Variants in SEMA6A observed in about 807,000 individuals in gnomAD.
The protein encoded by SEMA6A is semaphorin 6A.
A neutral mutation model predicts 96.8 loss-of-function variants in SEMA6A; 25 were observed. The observed-to-expected ratio is 0.26, with a 90% confidence interval of 0.19 to 0.36. SEMA6A has a LOEUF of 0.36. SEMA6A is among the 10% of genes least tolerant of loss of function. The probability of loss-of-function intolerance (pLI) is 1.00; values close to 1 mark genes in which losing one functional copy is unlikely to be tolerated. For missense variants in SEMA6A, 1,363 were observed against 1,323.1 expected, an observed-to-expected ratio of 1.03 and a Z score of -0.47; for synonymous variants, 612 against 518.0, an observed-to-expected ratio of 1.18 and a Z score of -2.46.
chr5:116,525,618 A>T (rs963699055), intron 1 of SEMA6A, among the ~76,000 whole-genome samples: 1 of 152,190 alleles, frequency 6.6e-6, no homozygotes, highest in Non-Finnish European at 1.5e-5. Flanking sequence ...GGAGCTGCCT[A>T]TATTTCTTAG....
intron 7 of SEMA6A, among the ~76,000 whole-genome samples, 164 bp downstream of exon 7, chr5:116,491,576 G>C (rs1351058434): frequency 6.6e-6 from 1 of 152,038 alleles, no homozygotes; most frequent in Non-Finnish European, 1.5e-5. Context: ...ACTTGCAAAA[G>C]TACAATTTTC....
intron 1 of SEMA6A, among the ~76,000 whole-genome samples, chr5:116,555,758 T>C (rs1227436512): frequency 3.3e-5 from 5 of 152,124 alleles, no homozygotes; most frequent in Admixed American, 6.6e-5. Context: ...GCCCAGGAGC[T>C]CGAGGCTGCA....
At chr5:116,494,511 A>T (rs62375059) in intron 6 of SEMA6A, among the ~76,000 whole-genome samples, 9,227 of 152,256 alleles carry the variant, frequency 0.061, 304 homozygotes, top group Non-Finnish European at 0.074. Context: ...AAGTTTGAAG[A>T]CACGGGGTCA....
intron 3 of SEMA6A, among the ~76,000 whole-genome samples, chr5:116,499,597 T>G (rs1757776370): frequency 6.6e-6 from 1 of 152,240 alleles, no homozygotes; most frequent in Admixed American, 6.5e-5. Context: ...ATGGTGGGCA[T>G]GGAACTCCTT....
At chr5:116,526,137 C>CA (rs147206962) in intron 1 of SEMA6A, among the ~76,000 whole-genome samples, 5,903 of 152,150 alleles carry the variant, frequency 0.039, 370 homozygotes, top group African/African-American at 0.14. Context: ...CTTTTCCCCC[C>CA]TTCTTTTTTA....
chr5:116,474,307 CACAT>C (rs1176625978), intron 16 of SEMA6A, among the ~76,000 whole-genome samples: 67 of 148,896 alleles, frequency 4.5e-4, no homozygotes, highest in African/African-American at 1.4e-3. Context: ...CACACACACA[CACAT>C]CTTAAAACCT....
At chr5:116,570,935 C>T (rs1370214612) in intron 1 of SEMA6A, among the ~76,000 whole-genome samples, 2 of 152,206 alleles carry the variant, frequency 1.3e-5, no homozygotes, top group Non-Finnish European at 2.9e-5. Context: ...TGATTCAACA[C>T]ATTAGACTTC....
At chr5:116,462,008 G>T (rs973445258) in intron 18 of SEMA6A, among the ~76,000 whole-genome samples, 1 of 152,168 alleles carries the variant, frequency 6.6e-6, no homozygotes, top group Non-Finnish European at 1.5e-5. Flanking sequence ...GTCAGGAAAA[G>T]AGGAGAGGCC....
At chr5:116,521,571 T>G (rs1175427318) in intron 1 of SEMA6A, among the ~76,000 whole-genome samples, 1 of 152,200 alleles carries the variant, frequency 6.6e-6, no homozygotes, top group Non-Finnish European at 1.5e-5. Flanking sequence ...ACATGTGTGT[T>G]TAGAATAGAA....
In SEMA6A at chr5:116,488,086, C is replaced by T. The variant is rs771745093; in HGVS notation, c.744+22G>A. 2.7e-6 allele frequency: 4 copies of T among 1,491,234 alleles called. No homozygotes were observed. The South Asian group carries it at 3.5e-5, about 13-fold the overall frequency. The allele number at this position is 1,491,234 out of a possible 1,614,324, so 92.4% of individuals were successfully genotyped here. A position where few individuals can be genotyped will look rare whatever the true frequency, so the allele number is the denominator to read the frequency against. ...TTTCTGAAAATGTTACAAACTGAGC[C>T]AAGGACAGCATCCCCTCTTACCTTT... On this transcript the variant is annotated intron_variant, in intron 9 of 18. Transcript: ENST00000343348.
At chr5:116,455,950 G>T (rs964019787) in intron 18 of SEMA6A, among the ~76,000 whole-genome samples, 1 of 152,142 alleles carries the variant, frequency 6.6e-6, no homozygotes, top group African/African-American at 2.4e-5. Flanking sequence ...TGAACACAAA[G>T]CAGTTGGCAT....
intron 5 of SEMA6A, 35 bp downstream of exon 5, chr5:116,496,216 A>C (rs778182633): frequency 1.5e-5 from 24 of 1,582,580 alleles, no homozygotes; most frequent in Non-Finnish European, 1.9e-5. Flanking sequence ...ACTTAACCCA[A>C]AGTGGCAGCT....
At chr5:116,565,341 C>T (rs1048790926) in intron 1 of SEMA6A, among the ~76,000 whole-genome samples, 2 of 152,146 alleles carry the variant, frequency 1.3e-5, no homozygotes, top group East Asian at 3.9e-4. Context: ...TAGTATATCT[C>T]AAACCTTTCC....
chr5:116,567,694 C>T (rs190700395), intron 1 of SEMA6A, among the ~76,000 whole-genome samples: 4 of 152,254 alleles, frequency 2.6e-5, no homozygotes, highest in Admixed American at 6.5e-5. Context: ...GCATGACCTC[C>T]GCAATGCCTC....
intron 1 of SEMA6A, among the ~76,000 whole-genome samples, chr5:116,525,150 T>C (rs898239967): frequency 6.6e-6 from 1 of 152,234 alleles, no homozygotes; most frequent in African/African-American, 2.4e-5. Context: ...ATTCAGCACC[T>C]ACTGTGTGCC....
intron 17 of SEMA6A, chr5:116,472,815 AAAACTAT>A (rs1756230219): frequency 1.6e-6 from 2 of 1,217,450 alleles, no homozygotes; most frequent in Admixed American, 3.1e-5. Context: ...TTTAGGAATG[AAAACTAT>A]AAACTACTGC....
intron 15 of SEMA6A, among the ~76,000 whole-genome samples, chr5:116,475,810 A>G (rs544082029): frequency 6.6e-6 from 1 of 152,316 alleles, no homozygotes; most frequent in Admixed American, 6.5e-5. Context: ...GCCATGGTTT[A>G]AGCAGTGAAT....
At chr5:116,495,957 G>A (rs1204371734) in intron 5 of SEMA6A, 18 of 369,820 alleles carry the variant, frequency 4.9e-5, no homozygotes. Flanking sequence ...GACTGCGGAG[G>A]TGGGCATCGG....
intron 18 of SEMA6A, among the ~76,000 whole-genome samples, chr5:116,457,172 C>A (rs1755065541): frequency 6.6e-6 from 1 of 152,138 alleles, no homozygotes; most frequent in African/African-American, 2.4e-5. Context: ...GCTTTTAAAT[C>A]ATGGAGTGCG....
Sources: gnomAD v4.1 joint callset for allele counts (sites outside exome capture counted in the v4.1 genomes callset) on GRCh38, gnomAD v4.1.1 for gene constraint, MANE v1.5 for transcripts, NCBI Gene and HGNC (gene_info 2026-07-23, HGNC 2026-07-21) for gene names.